Variants in PCDH15 observed in about 807,000 individuals in gnomAD.
PCDH15 encodes the protein protocadherin related 15, also known as protocadherin-15.
In PCDH15, 129 loss-of-function variants were observed where a neutral mutation model predicts 178.5. The observed-to-expected ratio is 0.72, with a 90% CI of 0.63 to 0.84. The LOEUF (loss-of-function observed/expected upper bound fraction) is 0.84, where lower values mean the gene tolerates loss of function less well. PCDH15 is among the 40% of genes least tolerant of loss of function. PCDH15 has a pLI of 0.00. For missense variants in PCDH15, 2,230 were observed against 2,099.9 expected (o/e 1.06, Z -1.21); for synonymous variants, 800 against 732.0 (o/e 1.09, Z -1.50).
At chr10:54,037,402 C>A (rs1481074395) in intron 18 of PCDH15, among the ~76,000 whole-genome samples, 1 of 151,788 alleles carries the variant, frequency 6.6e-6, no homozygotes, top group Admixed American at 6.6e-5. Context: ...CAGCAACCAC[C>A]CTCCTAATCA....
intron 9 of PCDH15, among the ~76,000 whole-genome samples, chr10:54,215,916 G>C (rs911484486): frequency 4.6e-5 from 7 of 151,662 alleles, no homozygotes; most frequent in African/African-American, 1.7e-4. Flanking sequence ...GGTGGCGGGC[G>C]CCTGTAGTCC....
At chr10:54,074,892 G>GT (rs1590253006) in intron 17 of PCDH15, among the ~76,000 whole-genome samples, 1 of 152,074 alleles carries the variant, frequency 6.6e-6, no homozygotes, top group East Asian at 1.9e-4. Flanking sequence ...TTTTCTGTTT[G>GT]TTTTTTATAA....
intron 2 of PCDH15, among the ~76,000 whole-genome samples, chr10:55,608,142 G>A (rs1179162269): frequency 1.3e-5 from 2 of 151,912 alleles, no homozygotes; most frequent in Non-Finnish European, 2.9e-5. Context: ...AAACTGGACT[G>A]ATAAGAGAAT....
chr10:55,459,863 T>C (rs1171684087), intron 2 of PCDH15, among the ~76,000 whole-genome samples: 1 of 152,030 alleles, frequency 6.6e-6, no homozygotes, highest in Non-Finnish European at 1.5e-5. Context: ...GTGGTTATGT[T>C]CAAACTTCAA....
At chr10:54,848,938 G>A (rs928827075) in intron 3 of PCDH15, among the ~76,000 whole-genome samples, 19 of 152,038 alleles carry the variant, frequency 1.2e-4, no homozygotes, top group African/African-American at 4.1e-4. Flanking sequence ...GCATTCCAGG[G>A]AGAAAATGCT....
chr10:54,671,624 A>C (rs1201196584), intron 1 of PCDH15, among the ~76,000 whole-genome samples: 2 of 152,202 alleles, frequency 1.3e-5, no homozygotes, highest in Non-Finnish European at 2.9e-5. Flanking sequence ...AAAAAATAAA[A>C]GTTAAGAATA....
At chr10:53,831,143 G>C (rs1279369583) in intron 30 of PCDH15, 172 bp downstream of exon 30, 5 of 783,262 alleles carry the variant, frequency 6.4e-6, no homozygotes, top group Non-Finnish European at 9.2e-6. Context: ...CTGGGAGTTT[G>C]TACTGTTTTC....
chr10:53,901,530 G>A (rs2082334438), intron 26 of PCDH15, among the ~76,000 whole-genome samples: 1 of 152,068 alleles, frequency 6.6e-6, no homozygotes, highest in Admixed American at 6.6e-5. Context: ...AAAACACTGT[G>A]TTACCCATTC....
intron 13 of PCDH15, among the ~76,000 whole-genome samples, chr10:54,162,981 C>T (rs779605551): frequency 2.1e-5 from 3 of 144,764 alleles, no homozygotes; most frequent in Non-Finnish European, 3.0e-5. Flanking sequence ...TATAAACAAA[C>T]GTTTATGGAA....
At chr10:54,806,048 AAAGAG>A (rs1170914862), upstream of PCDH15, among the ~76,000 whole-genome samples, 1 of 152,158 alleles carries the variant, frequency 6.6e-6, no homozygotes, top group African/African-American at 2.4e-5. Context: ...AAATAAAACT[AAAGAG>A]AAGTGCAGAT....
chr10:54,385,408 CT>C (rs1367823261), intron 3 of PCDH15, among the ~76,000 whole-genome samples: 4 of 152,016 alleles, frequency 2.6e-5, no homozygotes, highest in Admixed American at 6.5e-5. Context: ...AGGTAATTTG[CT>C]TCTGGAAACA....
intron 26 of PCDH15, among the ~76,000 whole-genome samples, chr10:53,870,086 C>T (rs919458478): frequency 1.3e-5 from 2 of 152,152 alleles, no homozygotes; most frequent in Admixed American, 6.5e-5. Flanking sequence ...GTATATTAAG[C>T]TACTTTACAC....
intron 2 of PCDH15, among the ~76,000 whole-genome samples, chr10:55,029,021 T>C (rs896857455): frequency 1.3e-5 from 2 of 152,034 alleles, no homozygotes; most frequent in African/African-American, 4.8e-5. Context: ...ACAATTAAAA[T>C]ATTATTAATA....
intron 2 of PCDH15, among the ~76,000 whole-genome samples, chr10:55,415,575 G>T (rs958412560): frequency 1.3e-5 from 2 of 151,592 alleles, no homozygotes; most frequent in Non-Finnish European, 3.0e-5. Flanking sequence ...GTCACCAATT[G>T]TATCTATTAA....
intron 2 of PCDH15, among the ~76,000 whole-genome samples, chr10:55,459,762 T>C (rs949791387): frequency 7.2e-5 from 11 of 152,036 alleles, no homozygotes; most frequent in Non-Finnish European, 1.5e-4. Flanking sequence ...GGCAAATGGT[T>C]AATGTTGGTG....
At chr10:54,258,801 C>T (rs924684414) in intron 8 of PCDH15, among the ~76,000 whole-genome samples, 1 of 152,058 alleles carries the variant, frequency 6.6e-6, no homozygotes, top group African/African-American at 2.4e-5. Flanking sequence ...CCAAAAATCT[C>T]ATTTGCAAAT....
chr10:54,174,443 G>A (rs1386843347), intron 13 of PCDH15, among the ~76,000 whole-genome samples: 1 of 152,020 alleles, frequency 6.6e-6, no homozygotes, highest in East Asian at 1.9e-4. Flanking sequence ...GCTGAGACAG[G>A]AGAATGGCGT....
At chr10:54,171,995 G>A (rs959451027) in intron 13 of PCDH15, among the ~76,000 whole-genome samples, 11 of 150,618 alleles carry the variant, frequency 7.3e-5, no homozygotes, top group Non-Finnish European at 1.2e-4. Flanking sequence ...AAAAATTTTC[G>A]CCGCCCCAAC....
chr10:54,655,292 G>GAGAGAGAGAGAGAC (rs1565866271), intron 2 of PCDH15, among the ~76,000 whole-genome samples: 152 of 121,052 alleles, frequency 1.3e-3, no homozygotes, highest in Non-Finnish European at 2.1e-3. Flanking sequence ...GAGAGAGAGA[G>GAGAGAGAGAGAGAC]AGAGAGAGAG....
Sources: allele counts gnomAD v4.1 joint callset (sites outside exome capture counted in the v4.1 genomes callset), GRCh38; gene constraint gnomAD v4.1.1; transcripts MANE v1.5; gene names NCBI Gene and HGNC (gene_info 2026-07-23, HGNC 2026-07-21).